Variants in ACOT8 observed in about 807,000 individuals in gnomAD.
ACOT8 encodes the protein acyl-coenzyme A thioesterase 8.
In ACOT8, 31 loss-of-function variants were observed where a neutral mutation model predicts 38.4. That is an observed-to-expected ratio of 0.81 (90% CI 0.61 to 1.09). The LOEUF is 1.09. Among genes scored for constraint, ACOT8 ranks in the 50% least tolerant of loss-of-function variants. The pLI is 0.00. For synonymous variants in ACOT8, 158 were observed against 170.3 expected, an observed-to-expected ratio of 0.93 and a Z score of 0.56; for missense variants, 373 against 421.8, an observed-to-expected ratio of 0.88 and a Z score of 1.01.
intron 2 of ACOT8, among the ~76,000 whole-genome samples, chr20:45,850,638 TC>T (rs2064321447): frequency 6.6e-6 from 1 of 152,194 alleles, no homozygotes; most frequent in South Asian, 2.1e-4. Flanking sequence ...GTCAGGTGTC[TC>T]TGCTCCAAAG....
At position 45,854,436 on chromosome 20, in the gene ACOT8, T is replaced by C. The variant is rs551137604; in HGVS notation, c.262+723A>G. On this transcript the variant is annotated intron_variant, in intron 2 of 5. Transcript: ENST00000217455. ...CGTGTTAGCTAGGATGGTCCCGATCTCCTGACCTCGTGATCCGCCCGCCTT... is the reference window on the plus strand; with the variant it reads ...CGTGTTAGCTAGGATGGTCCCGATCCCCTGACCTCGTGATCCGCCCGCCTT... Among the ~76,000 whole-genome samples the C allele has an allele frequency of 7.2e-5, 11 of 152,258 alleles. No individual in the cohort carries two copies. In the East Asian group the frequency reaches 2.1e-3, roughly 29 times the overall value.
intron 5 of ACOT8, chr20:45,843,008 A>G: frequency 9.2e-7 from 1 of 1,084,602 alleles, no homozygotes; most frequent in Non-Finnish European, 1.1e-6. Flanking sequence ...CTTAGGGACC[A>G]CTGAATGCCC....
Position 45,844,393 on chromosome 20 carries a change from T to C in ACOT8, c.516A>G (p.Pro172=), listed in dbSNP as rs1473292878. The change falls in exon 4 of 6, where the codon CCA becomes CCG. Residue 172 remains proline (P), a synonymous_variant. Coordinates refer to ENST00000217455, the MANE Select transcript of ACOT8 (RefSeq NM_005469.4). The stretch of plus-strand genomic sequence containing the variant: ...GAGCAGCAATTCGGTTGAGCGCCAA[T>C]GGGTACCTCTTTTGGAGGTTAGGGT... The part of the protein sequence containing the change: ...LRDPNLQKRY[P]LALNRIAAQE... The C allele has an allele frequency of 1.9e-6, 3 of 1,613,906 alleles. No individual in the cohort carries two copies. The highest frequency in any genetic ancestry group is 2.2e-5 in the South Asian group (2 of 91,070).
At chr20:45,842,607 T>C (rs774542946) in intron 5 of ACOT8, 39 of 993,246 alleles carry the variant, frequency 3.9e-5, no homozygotes, top group Non-Finnish European at 4.7e-5. Flanking sequence ...GGGCCCAAGT[T>C]TGATGTTTAT....
intron 2 of ACOT8, among the ~76,000 whole-genome samples, chr20:45,851,538 C>T (rs1467050922): frequency 1.3e-5 from 2 of 152,096 alleles, no homozygotes; most frequent in Admixed American, 6.5e-5. Flanking sequence ...GGCCCTGAGG[C>T]ATATTGAAGG....
intron 4 of ACOT8, 180 bp from the exon 5 acceptor site, chr20:45,843,901 G>T: frequency 8.0e-7 from 1 of 1,250,904 alleles, no homozygotes; most frequent in Non-Finnish European, 1.1e-6. Flanking sequence ...GGGGAGGGCA[G>T]GGGTGAGCAG....
chr20:45,846,393 T>C (rs1323845519), intron 3 of ACOT8, among the ~76,000 whole-genome samples: 3 of 152,104 alleles, frequency 2.0e-5, no homozygotes, highest in African/African-American at 7.2e-5. Context: ...ACAGCAGCCT[T>C]ATGAGGTAGG....
At chr20:45,843,453 AT>A in intron 5 of ACOT8, 73 bp downstream of exon 5, 1 of 1,546,854 alleles carries the variant, frequency 6.5e-7, no homozygotes, top group Non-Finnish European at 8.7e-7. Context: ...AAGTCGGGAA[AT>A]CAGCATCACC....
At position 45,842,187 on chromosome 20, in the gene ACOT8, C is replaced by T. The variant is rs1002319046; in HGVS notation, c.842-231G>A. On this transcript the variant is annotated intron_variant, in intron 5 of 5. Transcript: ENST00000217455. Reference sequence around the variant, plus strand: ...GGGTCTGGCCCAGGGCAGGGCTGCCCCACACAAGGGTGCACTGAGTGTCGT... The same window carrying T: ...GGGTCTGGCCCAGGGCAGGGCTGCCTCACACAAGGGTGCACTGAGTGTCGT... The T allele has an allele frequency of 3.4e-6, 5 of 1,492,522 alleles. No homozygotes were observed. The African/African-American group carries it at 7.0e-5, about 21-fold the overall frequency. 92.5% of individuals were successfully genotyped at this position (1,492,522 alleles called of 1,614,324 possible).
Position 45,843,648 on chromosome 20 carries a change from C to T in ACOT8, c.720G>A (p.Leu240=). Reference sequence around the variant, plus strand: ...CCTTGTGCTGCCACTGGTGAGGCAGCAGTGCAGTGCCCAAGAAGGCATAGT... The same window carrying T: ...CCTTGTGCTGCCACTGGTGAGGCAGTAGTGCAGTGCCCAAGAAGGCATAGT... ...ISDYAFLGTA[L]LPHQWQHKVH... The change falls in exon 5 of 6, where the codon CTG becomes CTA. Residue 240 remains leucine (L), a synonymous_variant. Coordinates refer to ENST00000217455, the MANE Select transcript of ACOT8 (RefSeq NM_005469.4). 2 of 1,613,630 alleles carry T rather than the reference C, an allele frequency of 1.2e-6. No homozygotes were observed. The highest frequency in any genetic ancestry group is 1.7e-4 in the Middle Eastern group (1 of 6,060).
rs1299837284 is a variant in ACOT8, at chr20:45,844,287, A to C, written c.622T>G (p.Trp208Gly). 6.2e-7 allele frequency: 1 copy of C among 1,614,194 alleles called. No homozygotes were observed. The highest frequency in any genetic ancestry group is 1.1e-5 in the South Asian group (1 of 91,080). The stretch of plus-strand genomic sequence containing the variant: ...CCAATATAGCCCCGGGCTCGCACCC[A>C]GAACATCTGTTTGGGCTCCATTCTC... ...LQRMEPKQMF[W>G]VRARGYIGEG... Residue 208 changes from tryptophan to glycine, a missense_variant, in exon 4 of 6, where the codon TGG becomes GGG. Transcript: ENST00000217455.
At chr20:45,846,946 G>A (rs1221398672) in intron 3 of ACOT8, among the ~76,000 whole-genome samples, 1 of 152,098 alleles carries the variant, frequency 6.6e-6, no homozygotes, top group Non-Finnish European at 1.5e-5. Flanking sequence ...GGTGGCTCAC[G>A]CCTGTAATCC....
chr20:45,842,356 G>C, intron 5 of ACOT8: 1 of 1,358,134 alleles, frequency 7.4e-7, no homozygotes, highest in Non-Finnish European at 9.5e-7. Context: ...GAGGAGCTCT[G>C]AGAACAGTCT....
In ACOT8 at chr20:45,857,306, G is replaced by T; in HGVS notation, c.10C>A (p.Pro4Thr). The stretch of plus-strand genomic sequence containing the variant: ...CCCTGCCCATCTTCTGGGGCCTGCG[G>T]GGACGACATCTAGTTCAATGCTGCA... MSSPQAPEDGQGCG... is the reference protein window; with the variant it reads MSSTQAPEDGQGCG... The change falls in exon 1 of 6, where the codon CCG becomes ACG. Residue 4 changes from proline (P) to threonine (T), a missense_variant. Coordinates refer to ENST00000217455, the MANE Select transcript of ACOT8 (RefSeq NM_005469.4). 1 of 1,605,658 alleles carries T rather than the reference G, an allele frequency of 6.2e-7. No individual in the cohort carries two copies.
chr20:45,853,771 CGAGAA>C, intron 2 of ACOT8: 1 of 436,534 alleles, frequency 2.3e-6, no homozygotes, highest in Admixed American at 3.5e-5. Flanking sequence ...GACTGGGGGC[CGAGAA>C]GAGGGGGGCC....
chr20:45,852,769 T>C (rs1439940633), intron 2 of ACOT8, among the ~76,000 whole-genome samples: 1 of 152,172 alleles, frequency 6.6e-6, no homozygotes, highest in Non-Finnish European at 1.5e-5. Flanking sequence ...TTTTTATTTA[T>C]TTATTTATTT....
At chr20:45,850,123 T>C (rs992026915) in intron 2 of ACOT8, among the ~76,000 whole-genome samples, 1 of 152,102 alleles carries the variant, frequency 6.6e-6, no homozygotes, top group Admixed American at 6.5e-5. Flanking sequence ...AGCAGGAGAA[T>C]TGCTTGAAGC....
intron 2 of ACOT8, among the ~76,000 whole-genome samples, chr20:45,850,284 A>G (rs1482719322): frequency 6.6e-6 from 1 of 152,184 alleles, no homozygotes. Flanking sequence ...ATTGGTTAGG[A>G]GTACATATTT....
chr20:45,849,266 C>T (rs1020885763), intron 2 of ACOT8, among the ~76,000 whole-genome samples: 6 of 152,078 alleles, frequency 3.9e-5, no homozygotes, highest in Non-Finnish European at 7.4e-5. Context: ...CAAACAAAGG[C>T]TATTTATTCA....
Sources: gnomAD v4.1 joint callset for allele counts (sites outside exome capture counted in the v4.1 genomes callset) on GRCh38, gnomAD v4.1.1 for gene constraint, MANE v1.5 for transcripts, NCBI Gene and HGNC (gene_info 2026-07-23, HGNC 2026-07-21) for gene names.